Variants in PSMD14 observed in about 807,000 individuals in gnomAD.
The protein encoded by PSMD14 is proteasome 26S subunit, non-ATPase 14.
PSMD14 carries 7 observed loss-of-function variants against 41.2 expected under a neutral mutation model. The ratio of observed to expected loss-of-function variants is 0.17; its 90% confidence interval spans 0.10 to 0.32. The LOEUF is 0.32. Among genes scored for constraint, PSMD14 ranks in the 10% least tolerant of loss-of-function variants. The probability of loss-of-function intolerance (pLI) is 1.00; values close to 1 mark genes in which losing one functional copy is unlikely to be tolerated. For missense variants in PSMD14, 139 were observed against 375.6 expected, an observed-to-expected ratio of 0.37 and a Z score of 5.21; for synonymous variants, 114 against 122.3, an observed-to-expected ratio of 0.93 and a Z score of 0.45.
intron 9 of PSMD14, among the ~76,000 whole-genome samples, chr2:161,392,792 T>G (rs528559858): frequency 6.6e-6 from 1 of 152,230 alleles, no homozygotes; most frequent in East Asian, 1.9e-4. Context: ...TATTTTTAAG[T>G]TTACATGGAA....
At chr2:161,390,990 T>C in intron 8 of PSMD14, 114 bp from the exon 9 acceptor site, 2 of 927,076 alleles carry the variant, frequency 2.2e-6, no homozygotes, top group Non-Finnish European at 2.9e-6. Context: ...TGAAATAAAA[T>C]GCCTTTATTA....
intron 3 of PSMD14, among the ~76,000 whole-genome samples, chr2:161,332,225 T>C (rs1339847878): frequency 6.6e-6 from 1 of 152,244 alleles, no homozygotes; most frequent in Non-Finnish European, 1.5e-5. Flanking sequence ...TTTTATTCCC[T>C]ATGATAATGT....
At chr2:161,347,988 A>G (rs989101605) in intron 3 of PSMD14, among the ~76,000 whole-genome samples, 2 of 152,224 alleles carry the variant, frequency 1.3e-5, no homozygotes, top group Non-Finnish European at 2.9e-5. Flanking sequence ...GTGAGCTTTG[A>G]CAAATCAATA....
chr2:161,404,095 A>G (rs1185725315), intron 10 of PSMD14, among the ~76,000 whole-genome samples: 1 of 151,484 alleles, frequency 6.6e-6, no homozygotes, highest in African/African-American at 2.4e-5. Flanking sequence ...TTTAAGATAC[A>G]AAGTCTTGAT....
chr2:161,395,304 G>A, intron 10 of PSMD14, 101 bp downstream of exon 10: 2 of 1,132,188 alleles, frequency 1.8e-6, no homozygotes, highest in Non-Finnish European at 1.2e-6. Flanking sequence ...ATCCTGTTTT[G>A]TAAATAAAAT....
Position 161,370,086 on chromosome 2 carries a change from TTTTC to T in PSMD14, c.241-11_241-8del. ...TTCCAAATTTACAAAAATTAATAAT[TTTTC>T]TTTCTTTCTAAATCAGGGTGTCAGT... On this transcript the variant is annotated splice_polypyrimidine_tract_variant and intron_variant, in intron 5 of 11. Transcript: ENST00000409682. 1 of 1,511,588 alleles carries T rather than the reference TTTTC, an allele frequency of 6.6e-7. No homozygotes were observed. The highest frequency in any genetic ancestry group is 1.3e-5 in the South Asian group (1 of 77,424). The allele number at this position is 1,511,588 out of a possible 1,614,324, so 93.6% of individuals were successfully genotyped here.
chr2:161,319,897 A>G (rs1689184959), intron 3 of PSMD14, among the ~76,000 whole-genome samples: 1 of 152,152 alleles, frequency 6.6e-6, no homozygotes, highest in South Asian at 2.1e-4. Flanking sequence ...GCATTCTTGG[A>G]TGGATTTCAG....
chr2:161,357,640 A>G (rs549597792), intron 3 of PSMD14, among the ~76,000 whole-genome samples: 6 of 152,260 alleles, frequency 3.9e-5, no homozygotes, highest in Non-Finnish European at 7.4e-5. Flanking sequence ...TCATATTCCA[A>G]TTTTCAAATG....
At chr2:161,361,628 A>G (rs910629080) in intron 3 of PSMD14, among the ~76,000 whole-genome samples, 1 of 152,224 alleles carries the variant, frequency 6.6e-6, no homozygotes, top group African/African-American at 2.4e-5. Context: ...AGAAAAAGAA[A>G]ACATAAATGA....
intron 10 of PSMD14, among the ~76,000 whole-genome samples, chr2:161,406,470 G>C (rs566051702): frequency 1.3e-5 from 2 of 152,288 alleles, no homozygotes; most frequent in South Asian, 4.1e-4. Flanking sequence ...TGAGGACACT[G>C]CCTGTGCCTG....
chr2:161,312,015 A>C (rs1689093806), intron 1 of PSMD14, among the ~76,000 whole-genome samples: 1 of 152,228 alleles, frequency 6.6e-6, no homozygotes, highest in Non-Finnish European at 1.5e-5. Context: ...ACTGGAAAAA[A>C]GTCCTTAAGA....
At chr2:161,352,470 A>G (rs1400141495) in intron 3 of PSMD14, among the ~76,000 whole-genome samples, 1 of 152,156 alleles carries the variant, frequency 6.6e-6, no homozygotes, top group African/African-American at 2.4e-5. Context: ...TTATTTTGCC[A>G]CTAGAATAAT....
intron 3 of PSMD14, among the ~76,000 whole-genome samples, chr2:161,347,001 A>G (rs964547960): frequency 1.3e-5 from 2 of 152,092 alleles, no homozygotes; most frequent in African/African-American, 2.4e-5. Context: ...CTCTGTCCAG[A>G]TTACGAGTTG....
chr2:161,341,097 G>A, intron 3 of PSMD14: 1 of 1,472,984 alleles, frequency 6.8e-7, no homozygotes, highest in Non-Finnish European at 9.0e-7. Flanking sequence ...CAGCCCCGCG[G>A]GCTCTCCAGG....
At chr2:161,327,735 C>G (rs1263952740) in intron 3 of PSMD14, among the ~76,000 whole-genome samples, 1 of 151,972 alleles carries the variant, frequency 6.6e-6, no homozygotes, top group Non-Finnish European at 1.5e-5. Flanking sequence ...GTTCATTCAG[C>G]AGAACCATAG....
Position 161,386,393 on chromosome 2 carries a change from A to AT in PSMD14, c.570+823dup, listed in dbSNP as rs374246570. Among the ~76,000 whole-genome samples the AT allele has an allele frequency of 4.4e-4, 67 of 151,964 alleles. 1 individual carries two copies. Among genetic ancestry groups the AT allele is most frequent in the African/African-American group, 1.4e-3 (57 of 41,544 alleles). Reference sequence around the variant, plus strand: ...CTCCCTTCTGAAACCTTGCTCTGTCATGAGGTTGTCTTTGGGGAGTTGTGG... The same window carrying AT: ...CTCCCTTCTGAAACCTTGCTCTGTCATTGAGGTTGTCTTTGGGGAGTTGTGG... On this transcript the variant is annotated intron_variant, in intron 8 of 11. Transcript: ENST00000409682.
chr2:161,316,541 A>G lies in PSMD14; in HGVS notation c.-33A>G, dbSNP rs1410392871. On this transcript the variant is annotated 5_prime_UTR_variant, in exon 2 of 12. Transcript: ENST00000409682. ...GTCAAACTCAACAAATTGAAGGTTA[A>G]CACCTTAAGAGTTGTAGTTACTGAC... is the stretch of plus-strand genomic sequence containing the variant. 6.6e-6 allele frequency: 1 copy of G among 152,236 alleles called. No homozygotes were observed. Among genetic ancestry groups the G allele is most frequent in the Non-Finnish European group, 1.5e-5 (1 of 68,034 alleles). The allele number at this position is 152,236 out of a possible 1,614,324, so 9.4% of individuals were successfully genotyped here. A position where few individuals can be genotyped will look rare whatever the true frequency, so the allele number is the denominator to read the frequency against.
At chr2:161,409,855 A>G (rs758369568) in intron 11 of PSMD14, among the ~76,000 whole-genome samples, 49 of 152,140 alleles carry the variant, frequency 3.2e-4, no homozygotes, top group Non-Finnish European at 5.4e-4. Context: ...AATACAGTTC[A>G]TTTTATTTTC....
At chr2:161,316,778 G>A in intron 2 of PSMD14, among the ~76,000 whole-genome samples, 1 of 152,122 alleles carries the variant, frequency 6.6e-6, no homozygotes, top group Non-Finnish European at 1.5e-5. Context: ...TCAGCTTAAA[G>A]TTTTAATTTG....
Sources: gnomAD v4.1 joint callset for allele counts (sites outside exome capture counted in the v4.1 genomes callset) on GRCh38, gnomAD v4.1.1 for gene constraint, MANE v1.5 for transcripts, NCBI Gene and HGNC (gene_info 2026-07-23, HGNC 2026-07-21) for gene names.